The following TANC1 variants were observed in gnomAD, a reference collection of about 807,000 sequenced individuals.
TANC1 encodes tetratricopeptide repeat, ankyrin repeat and coiled-coil containing 1.
In TANC1, 77 loss-of-function variants were observed where a neutral mutation model predicts 149.7. The ratio of observed to expected loss-of-function variants is 0.51; its 90% CI spans 0.43 to 0.62. The LOEUF is 0.62. Ranked by LOEUF, TANC1 falls within the 20% of genes least tolerant of loss-of-function variation. The pLI, the probability that TANC1 is intolerant of heterozygous loss-of-function variation, is 0.00. For synonymous variants in TANC1, 854 were observed against 925.0 expected, an observed-to-expected ratio of 0.92 and a Z score of 1.39; for missense variants, 1,985 against 2,321.8, an observed-to-expected ratio of 0.85 and a Z score of 2.98.
chr2:159,156,760 G>A (rs1447866397), intron 7 of TANC1, among the ~76,000 whole-genome samples: 3 of 152,218 alleles, frequency 2.0e-5, no homozygotes, highest in African/African-American at 4.8e-5. Flanking sequence ...CACAGGTTAT[G>A]TGAGGCTTTA....
rs541092816 is a variant in TANC1 at position 159,136,486 on chromosome 2, C to A, written c.364+188C>A. 4.5e-4 allele frequency among the ~76,000 whole-genome samples: 68 copies of A among 152,200 alleles called. No individual in the cohort carries two copies. The South Asian group carries it at 7.3e-3, about 16-fold the overall frequency. ...AAATTCTTGGAAATTGTATACCTGG[C>A]GTATAAATAGTTAAGTGGGTACATA... On this transcript the variant is annotated intron_variant, in intron 5 of 26. Coordinates refer to ENST00000263635, the MANE Select transcript of TANC1 (RefSeq NM_033394.3).
At chr2:159,177,713 G>A (rs374112200) in intron 13 of TANC1, among the ~76,000 whole-genome samples, 3 of 152,144 alleles carry the variant, frequency 2.0e-5, no homozygotes, top group Admixed American at 6.5e-5. Context: ...AAATGAGCAC[G>A]TGCATTTAAA....
intron 6 of TANC1, 44 bp from the exon 7 acceptor site, chr2:159,150,326 T>G (rs375332498): frequency 2.6e-6 from 4 of 1,526,304 alleles, no homozygotes; most frequent in Non-Finnish European, 3.6e-6. Context: ...TGTCGAAGCA[T>G]CCTGTGTAAG....
At chr2:159,026,016 C>A (rs2149453906) in intron 2 of TANC1, among the ~76,000 whole-genome samples, 1 of 152,312 alleles carries the variant, frequency 6.6e-6, no homozygotes, top group South Asian at 2.1e-4. Flanking sequence ...CTCACTGAAG[C>A]CTCCAGTCCT....
chr2:159,020,932 C>G (rs2038781205), intron 2 of TANC1, among the ~76,000 whole-genome samples: 1 of 151,578 alleles, frequency 6.6e-6, no homozygotes, highest in South Asian at 2.1e-4. Flanking sequence ...GGTGCTTCTA[C>G]TTTTATCTTT....
At chr2:159,136,778 G>T (rs543024829) in intron 5 of TANC1, among the ~76,000 whole-genome samples, 118 of 89,612 alleles carry the variant, frequency 1.3e-3, no homozygotes, top group Admixed American at 7.6e-3. Flanking sequence ...AGGGGATGTT[G>T]AAGTAGGAGC....
intron 4 of TANC1, among the ~76,000 whole-genome samples, chr2:159,110,459 C>A (rs915236951): frequency 2.6e-5 from 4 of 152,140 alleles, no homozygotes; most frequent in African/African-American, 9.7e-5. Flanking sequence ...TTTAAGCCAC[C>A]CAATCTATGT....
chr2:159,073,351 G>A (rs1391253024), intron 3 of TANC1, among the ~76,000 whole-genome samples: 1 of 152,164 alleles, frequency 6.6e-6, no homozygotes, highest in Admixed American at 6.5e-5. Context: ...TGAACTGCCT[G>A]TTTTCCTGGT....
chr2:158,972,297 A>G (rs912704759), intron 1 of TANC1, among the ~76,000 whole-genome samples: 1 of 152,218 alleles, frequency 6.6e-6, no homozygotes, highest in Non-Finnish European at 1.5e-5. Context: ...TGATCTTGGT[A>G]TCTCTCAGCC....
At chr2:159,186,486 T>C (rs2056979424) in intron 15 of TANC1, among the ~76,000 whole-genome samples, 2 of 152,138 alleles carry the variant, frequency 1.3e-5, no homozygotes, top group Non-Finnish European at 2.9e-5. Context: ...CTACTAAAAA[T>C]ACAAAAATTA....
At chr2:159,173,382 C>T (rs2055470122) in intron 11 of TANC1, among the ~76,000 whole-genome samples, 1 of 152,152 alleles carries the variant, frequency 6.6e-6, no homozygotes, top group Admixed American at 6.5e-5. Flanking sequence ...GCGTACAGAT[C>T]ACTCCAGTGG....
At position 159,116,830 on chromosome 2, in the gene TANC1, AG is replaced by A. The variant is rs537631394; in HGVS notation, c.259+18998del. 2.0e-3 allele frequency among the ~76,000 whole-genome samples: 305 copies of A among 152,342 alleles called. 1 individual carries two copies. The highest frequency in any genetic ancestry group is 6.8e-3 in the African/African-American group (284 of 41,584). On this transcript the variant is annotated intron_variant, in intron 4 of 26. Transcript: ENST00000263635. ...ATGAACATTTTCAAGCCTGCAGCTTAGGTATGAACCCCACTTACAGTGAGTT... is the reference window on the plus strand; with the variant it reads ...ATGAACATTTTCAAGCCTGCAGCTTAGTATGAACCCCACTTACAGTGAGTT...
At chr2:159,088,711 G>A (rs264622) in intron 3 of TANC1, among the ~76,000 whole-genome samples, 148,261 of 152,240 alleles carry the variant, frequency 0.97, 72,296 homozygotes, top group East Asian at 1. Flanking sequence ...AAAACTCATC[G>A]GCTATCATTA....
chr2:158,971,318 C>T (rs2032848014), intron 1 of TANC1, among the ~76,000 whole-genome samples: 1 of 152,170 alleles, frequency 6.6e-6, no homozygotes, highest in African/African-American at 2.4e-5. Context: ...TTCCATTAGA[C>T]ATTTCTAACC....
Position 159,076,915 on chromosome 2 carries a change from A to G in TANC1, c.61+10944A>G, listed in dbSNP as rs145265240. 2.1e-3 allele frequency among the ~76,000 whole-genome samples: 319 copies of G among 152,120 alleles called. 1 individual carries two copies. The highest frequency in any genetic ancestry group is 7.1e-3 in the African/African-American group (294 of 41,488). On this transcript the variant is annotated intron_variant, in intron 3 of 26. Coordinates refer to ENST00000263635, the MANE Select transcript of TANC1 (RefSeq NM_033394.3). ...AAACATATCTCTATGTTATATCTCT[A>G]TATCTCTATCCCTGAGATAGAAGAT...
intron 16 of TANC1, among the ~76,000 whole-genome samples, chr2:159,190,500 T>C (rs2057361068): frequency 6.6e-6 from 1 of 152,250 alleles, no homozygotes; most frequent in South Asian, 2.1e-4. Context: ...CTGTCCACGC[T>C]GTTACTCAAA....
At chr2:159,019,622 T>C (rs1435927139) in intron 2 of TANC1, among the ~76,000 whole-genome samples, 2 of 150,334 alleles carry the variant, frequency 1.3e-5, no homozygotes, top group African/African-American at 2.4e-5. Flanking sequence ...TGATGATCTT[T>C]GCTTCCCTAA....
At chr2:159,085,502 T>C (rs1203384411) in intron 3 of TANC1, among the ~76,000 whole-genome samples, 2 of 152,152 alleles carry the variant, frequency 1.3e-5, no homozygotes, top group Non-Finnish European at 2.9e-5. Flanking sequence ...ATTGTGTTAG[T>C]CCATTTTGCA....
intron 3 of TANC1, among the ~76,000 whole-genome samples, chr2:159,067,386 A>G (rs2042764273): frequency 6.6e-6 from 1 of 152,218 alleles, no homozygotes; most frequent in Non-Finnish European, 1.5e-5. Context: ...AAAAGGAGAA[A>G]CCAGTTTTTA....
Sources: allele counts gnomAD v4.1 joint callset (sites outside exome capture counted in the v4.1 genomes callset), GRCh38; gene constraint gnomAD v4.1.1; transcripts MANE v1.5; gene names NCBI Gene and HGNC (gene_info 2026-07-23, HGNC 2026-07-21).